TTN: variants seen among roughly 807,000 people sequenced by gnomAD.
TTN encodes connectin.
TTN carries 1,525 observed loss-of-function variants against 3,223.0 expected under a neutral mutation model. That is an observed-to-expected ratio of 0.47 (90% CI 0.45 to 0.49). The LOEUF (loss-of-function observed/expected upper bound fraction) is 0.49. Ranked by LOEUF, TTN falls within the 20% of genes least tolerant of loss-of-function variation. The pLI is 0.00. For missense variants in TTN, 40,786 were observed against 43,424.0 expected, an observed-to-expected ratio of 0.94 and a Z score of 5.40; for synonymous variants, 14,094 against 15,161.0, an observed-to-expected ratio of 0.93 and a Z score of 5.17.
In TTN at chr2:178,609,426, T is replaced by C; in HGVS notation, c.51884A>G (p.Lys17295Arg). 2 of 1,612,350 alleles carry C rather than the reference T, an allele frequency of 1.2e-6. No homozygotes were observed. Among genetic ancestry groups the C allele is most frequent in the Non-Finnish European group, 1.7e-6 (2 of 1,179,058 alleles). ...ENVIVPEEIK[K>R]RAAPLVRRRK... is the part of the protein sequence containing the mutation. ...TCTCCTAACCAAGGGTGCTGCACGC[T>C]TCTTAATTTCCTCTGGTACAATAAC... The change falls in exon 273 of 363, where the codon AAG (lysine) becomes AGG (arginine). Residue 17295 changes from lysine to arginine, a missense_variant. Lys to Arg is a conservative substitution (Grantham distance 26, BLOSUM62 2). Transcript: ENST00000589042.
rs138975207 is a variant in TTN at position 178,702,379 on chromosome 2, G to A, written c.30433+75C>T. ...TTCTAGATAGAATGAGAGCATGAGC[G>A]CATACAGGGTAGAAATACAGAAAAC... On this transcript the variant is annotated intron_variant, in intron 107 of 362. Coordinates refer to ENST00000589042, the MANE Select transcript of TTN (RefSeq NM_001267550.2). 52 of 1,601,618 alleles carry A rather than the reference G, an allele frequency of 3.2e-5. No homozygotes were observed. The African/African-American group carries it at 4.8e-4, about 15-fold the overall frequency.
intron 137 of TTN, 49 bp from the exon 138 acceptor site, chr2:178,681,220 A>C (rs758980377): frequency 1.1e-4 from 160 of 1,515,712 alleles, no homozygotes; most frequent in Non-Finnish European, 6.3e-6. Flanking sequence ...CTCCTTGAAT[A>C]CTATGTAATA....
At chr2:178,797,126 T>C (rs10497524) in intron 6 of TTN, among the ~76,000 whole-genome samples, 9,420 of 152,222 alleles carry the variant, frequency 0.062, 618 homozygotes, top group African/African-American at 0.16. Flanking sequence ...TGATTCTAAA[T>C]GACCCTTAGG....
Position 178,725,399 on chromosome 2 carries a change from C to A in TTN, c.20805G>T (p.Met6935Ile), listed in dbSNP as rs770899268. Residue 6935 changes from methionine (M) to isoleucine (I), a missense_variant, in exon 71 of 363, where the codon ATG (methionine) becomes ATT (isoleucine). By Grantham distance (10) the Met-to-Ile change is conservative. Coordinates refer to ENST00000589042, the MANE Select transcript of TTN (RefSeq NM_001267550.2). The stretch of plus-strand genomic sequence containing the variant: ...CCATCAGTGTGGCCATGTTCTCCCT[C>A]ATTCCACCATCATTCTTGATTTGGC... ...YICQIKNDGGMRENMATLMVL... is the reference protein window; with the variant it reads ...YICQIKNDGGIRENMATLMVL... 5 of 1,597,488 alleles carry A rather than the reference C, an allele frequency of 3.1e-6. No individual in the cohort carries two copies. The African/African-American group carries it at 6.7e-5, about 21-fold the overall frequency.
At position 178,562,034 on chromosome 2, in the gene TTN, T is replaced by A; in HGVS notation, c.84098A>T (p.Tyr28033Phe). 6.2e-7 allele frequency: 1 copy of A among 1,613,400 alleles called. No homozygotes were observed. Among genetic ancestry groups the A allele is most frequent in the Non-Finnish European group, 8.5e-7 (1 of 1,179,668 alleles). Reference protein sequence around the residue: ...KEASKEDVGTYELCVSNSAGS... With the variant: ...KEASKEDVGTFELCVSNSAGS... ...AGCACTGTTTGAAACACATAATTCA[T>A]AAGTTCCAACATCTTCCTTTGAAGC... is the stretch of plus-strand genomic sequence containing the variant. Residue 28033 changes from tyrosine (Y) to phenylalanine (F), a missense_variant, in exon 326 of 363, where the codon TAT becomes TTT. Transcript: ENST00000589042.
rs397517670 is a variant in TTN at position 178,579,626 on chromosome 2, C to T, written c.67571G>A (p.Ser22524Asn). The T allele has an allele frequency of 2.2e-5, 35 of 1,613,262 alleles. No individual in the cohort carries two copies. The highest frequency in any genetic ancestry group is 1.5e-4 in the South Asian group (14 of 91,072). The change falls in exon 319 of 363, where the codon AGT (serine) becomes AAT (asparagine). Residue 22524 changes from serine to asparagine, a missense_variant. Transcript: ENST00000589042. The stretch of plus-strand genomic sequence containing the variant: ...TCCTTCTCCATTTTCATTCTCAGCA[C>T]TCACTCTGAAGGTATATTCCTTCCC... The part of the protein sequence containing the change: ...TEGKEYTFRV[S>N]AENENGEGTP...
In TTN at chr2:178,573,707, A is replaced by G. The variant is rs986884075; in HGVS notation, c.72425T>C (p.Leu24142Pro). 19 of 1,541,792 alleles carry G rather than the reference A, an allele frequency of 1.2e-5. No individual in the cohort carries two copies. The highest frequency in any genetic ancestry group is 1.7e-5 in the Non-Finnish European group (19 of 1,145,660). The change falls in exon 326 of 363, where the codon CTA becomes CCA. Residue 24142 changes from leucine to proline, a missense_variant. Transcript: ENST00000589042. ...ATCATCCAGTGGAGGGAACCATGAT[A>G]GTACACACTTTTCTGATGTCACTTC... ...VTEVTSEKCV[L>P]SWFPPLDDGG...
At position 178,597,979 on chromosome 2, in the gene TTN, C is replaced by G. The variant is rs114405804; in HGVS notation, c.57191G>C (p.Arg19064Thr). The change falls in exon 293 of 363, where the codon AGA (arginine) becomes ACA (threonine). Residue 19064 changes from arginine (R) to threonine (T), a missense_variant. Physicochemically the swap from Arg to Thr is moderately conservative, Grantham distance 71. Transcript: ENST00000589042. Reference protein sequence around the residue: ...KEGAFYKFRVRAVNIAGIGEP... With the variant: ...KEGAFYKFRVTAVNIAGIGEP... ...TCCAATGCCAGCAATGTTGACTGCT[C>G]TAACTCTAAATTTGTAGAATGCTCC... The G allele has an allele frequency of 6.2e-7, 1 of 1,613,416 alleles. No individual in the cohort carries two copies. The highest frequency in any genetic ancestry group is 1.3e-5 in the African/African-American group (1 of 74,996).
chr2:178,654,131 G>A (rs964833991), intron 193 of TTN, 36 bp from the exon 194 acceptor site: 3 of 1,594,742 alleles, frequency 1.9e-6, no homozygotes, highest in African/African-American at 1.3e-5. Flanking sequence ...ATTTATGAAT[G>A]GCGAAGGTAT....
At position 178,581,967 on chromosome 2, in the gene TTN, A is replaced by T; in HGVS notation, c.66402T>A (p.Asn22134Lys). The change falls in exon 315 of 363, where the codon AAT (asparagine) becomes AAA (lysine). Residue 22134 changes from asparagine to lysine, a missense_variant. Asn to Lys is a moderately conservative substitution (Grantham distance 94). Coordinates refer to ENST00000589042, the MANE Select transcript of TTN (RefSeq NM_001267550.2). ...TEYEFRVTAI[N>K]KAGPGKPSDA... ...CACTGGGTTTGCCTGGTCCAGCTTT[A>T]TTTATAGCTGTAACACGGAACTCAT... 1 of 1,613,282 alleles carries T rather than the reference A, an allele frequency of 6.2e-7. No individual in the cohort carries two copies. The highest frequency in any genetic ancestry group is 8.5e-7 in the Non-Finnish European group (1 of 1,179,508).
rs149232991 is a variant in TTN at position 178,571,550 on chromosome 2, G to A, written c.74582C>T (p.Ala24861Val). ...TSTTTWQIVS[A>V]TVARTTIKAC... ...CTTTATTGTTGTCCTTGCAACTGTA[G>A]CTGATACAATTTGCCAGGTGGTTGT... Residue 24861 changes from alanine to valine, a missense_variant, in exon 326 of 363, where the codon GCT (alanine) becomes GTT (valine). By Grantham distance (64) the Ala-to-Val change is moderately conservative (BLOSUM62 0). Transcript: ENST00000589042. 1.2e-5 allele frequency: 20 copies of A among 1,613,232 alleles called. No individual in the cohort carries two copies. The African/African-American group carries it at 2.7e-4, about 22-fold the overall frequency.
Position 178,561,586 on chromosome 2 carries a change from T to C in TTN, c.84546A>G (p.Gly28182=), listed in dbSNP as rs559950409. Residue 28182 remains glycine (G), a synonymous_variant, in exon 326 of 363, where the codon GGA becomes GGG. Transcript: ENST00000589042. The part of the protein sequence containing the change: ...LVTWQVPVND[G]GSRVIGYHLE... ...GATGATAGCCAATTACTCGACTTCC[T>C]CCATCATTAACTGGCACTTGCCAGG... 1.2e-6 allele frequency: 2 copies of C among 1,613,288 alleles called. No individual in the cohort carries two copies. The highest frequency in any genetic ancestry group is 2.2e-5 in the South Asian group (2 of 91,014).
intron 113 of TTN, 88 bp from the exon 114 acceptor site, chr2:178,696,357 A>G: frequency 9.2e-7 from 1 of 1,083,876 alleles, no homozygotes; most frequent in Non-Finnish European, 1.3e-6. Flanking sequence ...AAACAACATC[A>G]GTATTTCAGA....
chr2:178,799,395 G>A (rs2093937066), intron 6 of TTN, 92 bp downstream of exon 6: 3 of 1,592,894 alleles, frequency 1.9e-6, no homozygotes, highest in Non-Finnish European at 2.6e-6. Flanking sequence ...TCTCCGCGTC[G>A]CATGCCCTGC....
intron 279 of TTN, 21 bp from the exon 280 acceptor site, chr2:178,605,316 A>G: frequency 6.5e-7 from 1 of 1,545,638 alleles, no homozygotes; most frequent in Non-Finnish European, 8.7e-7. Context: ...AAGAGAAAGA[A>G]AAACAGTAAC....
rs761181487 is a variant in TTN at position 178,563,067 on chromosome 2, C to T, written c.83065G>A (p.Ala27689Thr). Reference protein sequence around the residue: ...ADLRKVVVLRASATLRLFVTI... With the variant: ...ADLRKVVVLRTSATLRLFVTI... ...ACAAATAAGCGTAAAGTAGCACTTG[C>T]ACGCAGAACGACCACCTTTCTGAGA... The change falls in exon 326 of 363, where the codon GCA becomes ACA. Residue 27689 changes from alanine to threonine, a missense_variant. Ala to Thr is a moderately conservative substitution (Grantham distance 58). Coordinates refer to ENST00000589042, the MANE Select transcript of TTN (RefSeq NM_001267550.2). This position sits in a 1 kb window ranked among gnomAD's most constrained non-coding sequence, Gnocchi z 4.5. 6.2e-7 allele frequency: 1 copy of T among 1,613,670 alleles called. No homozygotes were observed. The highest frequency in any genetic ancestry group is 1.7e-5 in the Admixed American group (1 of 59,986).
At position 178,741,361 on chromosome 2, in the gene TTN, C is replaced by CA. The variant is rs2082452692; in HGVS notation, c.11871dup (p.Glu3958Ter). 2 of 1,613,738 alleles carry CA rather than the reference C, an allele frequency of 1.2e-6. No homozygotes were observed. The highest frequency in any genetic ancestry group is 2.7e-5 in the African/African-American group (2 of 74,888). On this transcript the variant is annotated frameshift_variant, in exon 48 of 363. Coordinates refer to ENST00000589042, the MANE Select transcript of TTN (RefSeq NM_001267550.2). LOFTEE classifies it high-confidence loss of function. ...GCAGGCTCTCCAACCACTGTGTACT[C>CA]AAAGATGGCAGGAAGCCCTTGAGCA...
Position 178,541,206 on chromosome 2 carries a change from A to G in TTN, c.97795+76T>C, listed in dbSNP as rs138420739. On this transcript the variant is annotated intron_variant, in intron 350 of 362. Coordinates refer to ENST00000589042, the MANE Select transcript of TTN (RefSeq NM_001267550.2). ...TACATTTTTCAAAAGTCATAGAACT[A>G]TATATTTCAAAAAGGTGAATTTTCC... 8 of 1,353,056 alleles carry G rather than the reference A, an allele frequency of 5.9e-6. No homozygotes were observed. The African/African-American group carries it at 8.8e-5, about 15-fold the overall frequency. The allele number at this position is 1,353,056 out of a possible 1,614,324, so 83.8% of individuals were successfully genotyped here.
intron 231 of TTN, 58 bp from the exon 232 acceptor site, chr2:178,633,734 A>G: frequency 6.2e-7 from 1 of 1,605,136 alleles, no homozygotes; most frequent in Non-Finnish European, 8.5e-7. Context: ...TTTATTAAAG[A>G]GTAAAAGGTT....
Sources: allele counts gnomAD v4.1 joint callset (sites outside exome capture counted in the v4.1 genomes callset), GRCh38; gene constraint gnomAD v4.1.1; non-coding constraint Gnocchi (gnomAD v3.1); transcripts MANE v1.5; gene names NCBI Gene and HGNC (gene_info 2026-07-23, HGNC 2026-07-21).